The following CACNB2 variants were observed in gnomAD, a reference collection of about 807,000 sequenced individuals.
CACNB2 encodes the protein voltage-dependent L-type calcium channel subunit beta-2.
Under a neutral mutation model 73.3 loss-of-function variants are expected in CACNB2, and 42 were observed. The observed-to-expected ratio is 0.57, with a 90% CI of 0.45 to 0.74. CACNB2 has a LOEUF of 0.74. CACNB2 is among the 30% of genes least tolerant of loss of function. The probability of loss-of-function intolerance (pLI) is 0.00; values close to 1 mark genes in which losing one functional copy is unlikely to be tolerated. For missense variants in CACNB2, 940 were observed against 853.0 expected (o/e 1.10, Z -1.27); for synonymous variants, 348 against 310.3 (o/e 1.12, Z -1.28).
intron 2 of CACNB2, among the ~76,000 whole-genome samples, chr10:18,202,428 A>T (rs2034920772): frequency 6.6e-6 from 1 of 152,182 alleles, no homozygotes; most frequent in Non-Finnish European, 1.5e-5. Flanking sequence ...ACCATATATT[A>T]TAGGGACCAA....
intron 3 of CACNB2, among the ~76,000 whole-genome samples, chr10:18,437,714 C>T (rs1225764586): frequency 6.6e-6 from 1 of 152,132 alleles, no homozygotes; most frequent in Non-Finnish European, 1.5e-5. Flanking sequence ...CTATCTTTGA[C>T]AGCACTGAGA....
At chr10:18,225,486 C>T (rs2035952891) in intron 2 of CACNB2, among the ~76,000 whole-genome samples, 1 of 152,158 alleles carries the variant, frequency 6.6e-6, no homozygotes, top group Non-Finnish European at 1.5e-5. Context: ...CAGGCAGGCT[C>T]TGTGTTAGTC....
intron 3 of CACNB2, among the ~76,000 whole-genome samples, chr10:18,414,783 T>A (rs1438611392): frequency 6.6e-6 from 1 of 151,974 alleles, no homozygotes; most frequent in African/African-American, 2.4e-5. Context: ...TTTTTTTTTT[T>A]ATCTTAGAGC....
chr10:18,252,785 G>A (rs574303042), intron 2 of CACNB2, among the ~76,000 whole-genome samples: 10 of 152,250 alleles, frequency 6.6e-5, no homozygotes, highest in African/African-American at 1.7e-4. Context: ...GCAAGAAAGC[G>A]CAAGGAAAAA....
intron 2 of CACNB2, among the ~76,000 whole-genome samples, chr10:18,291,857 A>G (rs1377363525): frequency 6.6e-6 from 1 of 152,206 alleles, no homozygotes; most frequent in Non-Finnish European, 1.5e-5. Context: ...TGTTGGTAAG[A>G]GTATTTGGAA....
At chr10:18,512,309 G>A (rs565876800) in intron 6 of CACNB2, among the ~76,000 whole-genome samples, 9 of 152,196 alleles carry the variant, frequency 5.9e-5, no homozygotes, top group Admixed American at 5.2e-4. Context: ...TTATTAGACA[G>A]ATTTCACTCG....
At chr10:18,245,403 C>G (rs2036822532) in intron 2 of CACNB2, among the ~76,000 whole-genome samples, 1 of 152,198 alleles carries the variant, frequency 6.6e-6, no homozygotes, top group African/African-American at 2.4e-5. Flanking sequence ...ACTGCAGCCT[C>G]TGTCCTTCCC....
intron 2 of CACNB2, among the ~76,000 whole-genome samples, chr10:18,164,174 A>G (rs1048539661): frequency 1.3e-5 from 2 of 152,246 alleles, no homozygotes; most frequent in Admixed American, 1.3e-4. Context: ...TTTCTACTAG[A>G]TGTCAATTGA....
chr10:18,493,409 G>A (rs1178314066), intron 3 of CACNB2, among the ~76,000 whole-genome samples: 4 of 152,006 alleles, frequency 2.6e-5, no homozygotes, highest in East Asian at 3.9e-4. Flanking sequence ...CTCGTGATCC[G>A]CCCACCTCTG....
chr10:18,330,498 A>G (rs947189932), intron 2 of CACNB2, among the ~76,000 whole-genome samples: 3 of 152,106 alleles, frequency 2.0e-5, no homozygotes, highest in African/African-American at 7.2e-5. Flanking sequence ...ACATTGAAAG[A>G]TTAGCCAGGT....
At chr10:18,449,257 C>T (rs991709448) in intron 3 of CACNB2, among the ~76,000 whole-genome samples, 7 of 152,000 alleles carry the variant, frequency 4.6e-5, no homozygotes, top group Admixed American at 1.3e-4. Flanking sequence ...TGGTGGCGGG[C>T]GCCTGTAGTC....
intron 3 of CACNB2, among the ~76,000 whole-genome samples, chr10:18,447,032 C>T (rs1396196287): frequency 6.6e-6 from 1 of 151,642 alleles, no homozygotes; most frequent in African/African-American, 2.4e-5. Flanking sequence ...TGTACTCCAC[C>T]CTGGGTGACA....
intron 3 of CACNB2, among the ~76,000 whole-genome samples, chr10:18,449,505 A>G (rs760826975): frequency 7.9e-5 from 12 of 152,248 alleles, no homozygotes; most frequent in Non-Finnish European, 1.5e-4. Context: ...AAGCCAAGAC[A>G]GAGTCAGAGG....
intron 2 of CACNB2, among the ~76,000 whole-genome samples, chr10:18,366,686 TA>T (rs1434309864): frequency 6.6e-6 from 1 of 151,294 alleles, no homozygotes; most frequent in Non-Finnish European, 1.5e-5. Context: ...TCTAAAAATA[TA>T]AAAATTAGCC....
At chr10:18,336,193 A>G (rs553686876) in intron 2 of CACNB2, among the ~76,000 whole-genome samples, 77 of 152,364 alleles carry the variant, frequency 5.1e-4, no homozygotes, top group African/African-American at 1.8e-3. Flanking sequence ...TAAAGGAGCC[A>G]GCATGGTTAA....
intron 2 of CACNB2, among the ~76,000 whole-genome samples, chr10:18,250,094 A>G (rs2131549076): frequency 6.6e-6 from 1 of 152,246 alleles, no homozygotes; most frequent in South Asian, 2.1e-4. Context: ...CCACTTCTCA[A>G]GGTGTCCTCG....
At chr10:18,227,755 C>T (rs754676510) in intron 2 of CACNB2, among the ~76,000 whole-genome samples, 7 of 152,126 alleles carry the variant, frequency 4.6e-5, no homozygotes, top group Non-Finnish European at 7.4e-5. Context: ...AAGTATGCTG[C>T]GTGCCTCACC....
chr10:18,283,345 A>G (rs1331257268), intron 2 of CACNB2, among the ~76,000 whole-genome samples: 3 of 152,190 alleles, frequency 2.0e-5, no homozygotes, highest in African/African-American at 7.2e-5. Context: ...ATTATACGTC[A>G]TGCTGCGATA....
At chr10:18,326,632 C>G (rs2040599175) in intron 2 of CACNB2, among the ~76,000 whole-genome samples, 2 of 152,222 alleles carry the variant, frequency 1.3e-5, no homozygotes, top group African/African-American at 4.8e-5. Context: ...TTCAAGATAT[C>G]TTCACTTTTC....
Sources: gnomAD v4.1 joint callset for allele counts (sites outside exome capture counted in the v4.1 genomes callset) on GRCh38, gnomAD v4.1.1 for gene constraint, MANE v1.5 for transcripts, NCBI Gene and HGNC (gene_info 2026-07-23, HGNC 2026-07-21) for gene names.